Variants in AMN1 observed in about 807,000 individuals in gnomAD.
The protein encoded by AMN1 is protein AMN1 homolog.
Under a neutral mutation model 33.0 loss-of-function variants are expected in AMN1, and 20 were observed. The observed-to-expected ratio is 0.61, with a 90% confidence interval of 0.43 to 0.88. The LOEUF is 0.88. Ranked by LOEUF, AMN1 falls within the 40% of genes least tolerant of loss-of-function variation. The pLI is 0.00. For synonymous variants in AMN1, 114 were observed against 111.9 expected (o/e 1.02, Z -0.12); for missense variants, 246 against 307.4 (o/e 0.80, Z 1.49).
chr12:31,728,471 T>C (rs556252356), intron 1 of AMN1, among the ~76,000 whole-genome samples: 2 of 152,326 alleles, frequency 1.3e-5, no homozygotes, highest in East Asian at 1.9e-4. Context: ...TACCGGTCCA[T>C]GGTCACGTGG....
At chr12:31,673,206 C>G (rs1017187124) in intron 6 of AMN1, 1 of 151,204 alleles carries the variant, frequency 6.6e-6, no homozygotes, top group East Asian at 1.9e-4. Flanking sequence ...CTAACCTAGT[C>G]TTGGAAATCC....
At position 31,697,437 on chromosome 12, in the gene AMN1, AAC is replaced by A. The variant is rs1357516542; in HGVS notation, c.535-22_535-21del. 6.2e-7 allele frequency: 1 copy of A among 1,611,114 alleles called. No individual in the cohort carries two copies. The highest frequency in any genetic ancestry group is 1.3e-5 in the African/African-American group (1 of 74,864). On this transcript the variant is annotated intron_variant, in intron 4 of 6. Transcript: ENST00000281471. ...AGATACCTAAGCAAAGGGAAAAAGA[AAC>A]ACAGTCCATGAATCCAGACAACGGA...
At chr12:31,702,062 T>G in intron 2 of AMN1, 55 bp from the exon 3 acceptor site, 2 of 1,426,644 alleles carry the variant, frequency 1.4e-6, no homozygotes, top group Non-Finnish European at 1.9e-6. Context: ...ATACAAATAT[T>G]TATTCCATAT....
intron 6 of AMN1, among the ~76,000 whole-genome samples, chr12:31,682,925 C>T (rs1317442537): frequency 1.3e-5 from 2 of 150,516 alleles, no homozygotes; most frequent in Non-Finnish European, 3.0e-5. Context: ...GGCAGCCACA[C>T]AAAAATATAA....
intron 6 of AMN1, among the ~76,000 whole-genome samples, chr12:31,681,954 G>A (rs963069426): frequency 2.6e-5 from 4 of 152,130 alleles, no homozygotes; most frequent in Non-Finnish European, 5.9e-5. Context: ...TGGGATTACA[G>A]GCATGAGCCA....
intron 6 of AMN1, 77 bp downstream of exon 6, chr12:31,688,930 G>A (rs1387511951): frequency 2.3e-6 from 2 of 853,602 alleles, no homozygotes; most frequent in Admixed American, 5.0e-5. Context: ...ATAATGAAAT[G>A]GGTTAAGTAA....
At chr12:31,709,561 G>A in intron 1 of AMN1, 136 bp from the exon 2 acceptor site, 1 of 1,084,810 alleles carries the variant, frequency 9.2e-7, no homozygotes, top group Non-Finnish European at 1.3e-6. Context: ...GCTCACGCCT[G>A]TAATCCCAAC....
At chr12:31,703,516 G>A (rs1215010645) in intron 2 of AMN1, among the ~76,000 whole-genome samples, 6 of 152,132 alleles carry the variant, frequency 3.9e-5, no homozygotes, top group African/African-American at 1.2e-4. Context: ...TGCACCCAGC[G>A]ATTGGCTCCC....
At chr12:31,698,039 G>A in intron 3 of AMN1, 82 bp from the exon 4 acceptor site, 1 of 1,336,190 alleles carries the variant, frequency 7.5e-7, no homozygotes. Context: ...TTTCATTTTA[G>A]CAATCACCAG....
intron 1 of AMN1, among the ~76,000 whole-genome samples, chr12:31,722,057 CT>C (rs2076766256): frequency 6.6e-6 from 1 of 151,910 alleles, no homozygotes; most frequent in Non-Finnish European, 1.5e-5. Flanking sequence ...CCTGTTTTGT[CT>C]CAGTGAAATA....
At chr12:31,691,978 A>G (rs759031569) in intron 5 of AMN1, among the ~76,000 whole-genome samples, 1 of 152,040 alleles carries the variant, frequency 6.6e-6, no homozygotes, top group African/African-American at 2.4e-5. Context: ...CCAGGGCTCA[A>G]GTGATTTTTC....
chr12:31,724,460 TTCA>T lies in AMN1; in HGVS notation c.38+4508_38+4510del, dbSNP rs374480528. Among the ~76,000 whole-genome samples the T allele has an allele frequency of 3.9e-5, 6 of 152,240 alleles. No homozygotes were observed. The East Asian group carries it at 1.2e-3, about 29-fold the overall frequency. ...CAGACAGGGCAGGGTGGCATGAGATTTCATCATGCTACTCAAAATGGTGCATAA... is the reference window on the plus strand; with the variant it reads ...CAGACAGGGCAGGGTGGCATGAGATTTCATGCTACTCAAAATGGTGCATAA... On this transcript the variant is annotated intron_variant, in intron 1 of 6. Transcript: ENST00000281471.
intron 1 of AMN1, among the ~76,000 whole-genome samples, chr12:31,721,487 A>G (rs1462493714): frequency 1.3e-5 from 2 of 152,204 alleles, no homozygotes; most frequent in Non-Finnish European, 2.9e-5. Flanking sequence ...GCTATAATTC[A>G]TAACTTGGGC....
intron 5 of AMN1, among the ~76,000 whole-genome samples, chr12:31,691,331 C>T (rs1047134741): frequency 6.6e-6 from 1 of 151,434 alleles, no homozygotes; most frequent in Non-Finnish European, 1.5e-5. Flanking sequence ...AAAGCCAAAA[C>T]AATGACAAAG....
At chr12:31,712,578 T>C (rs975706962) in intron 1 of AMN1, among the ~76,000 whole-genome samples, 2 of 152,024 alleles carry the variant, frequency 1.3e-5, no homozygotes, top group Non-Finnish European at 2.9e-5. Flanking sequence ...TGAATAATAT[T>C]CCATCATATA....
Position 31,683,145 on chromosome 12 carries a change from TAGAG to T in AMN1, c.703+5858_703+5861del, listed in dbSNP as rs918564919. 1.3e-5 allele frequency among the ~76,000 whole-genome samples: 2 copies of T among 152,072 alleles called. No individual in the cohort carries two copies. Among genetic ancestry groups the T allele is most frequent in the African/African-American group, 4.8e-5 (2 of 41,406 alleles). ...GCCCAGCTAATTTTTGTATTTTTAG[TAGAG>T]AGGGGGTTTCACCATATTGGCCAGG... On this transcript the variant is annotated intron_variant, in intron 6 of 6. Coordinates refer to ENST00000281471, the MANE Select transcript of AMN1 (RefSeq NM_001113402.2). The surrounding 1 kb of genome is among the most constrained non-coding windows in gnomAD (Gnocchi z 4.1).
rs61593882 is a variant in AMN1 at position 31,675,128 on chromosome 12, C to T, written c.704-2751G>A. Among the ~76,000 whole-genome samples the T allele has an allele frequency of 8.7e-3, 1,299 of 149,420 alleles. 50 individuals carry two copies. Among genetic ancestry groups the T allele is most frequent in the African/African-American group, 0.031 (1,227 of 38,956 alleles). The stretch of plus-strand genomic sequence containing the variant: ...CTGATAAAGGGCGTCTATGAAAAAC[C>T]CATAGATGGCAGGATGCAGTGGCTC... On this transcript the variant is annotated intron_variant, in intron 6 of 6. Transcript: ENST00000281471.
intron 1 of AMN1, chr12:31,714,971 A>T: frequency 2.2e-6 from 2 of 910,790 alleles, no homozygotes; most frequent in Non-Finnish European, 2.6e-6. Context: ...TTAGGACAGA[A>T]TTGGGATTAA....
At chr12:31,726,924 G>A (rs1258501097) in intron 1 of AMN1, among the ~76,000 whole-genome samples, 1 of 152,040 alleles carries the variant, frequency 6.6e-6, no homozygotes, top group African/African-American at 2.4e-5. Context: ...TAAGCACTGT[G>A]TTTTAAAATT....
Sources: gnomAD v4.1 joint callset for allele counts (sites outside exome capture counted in the v4.1 genomes callset) on GRCh38, gnomAD v4.1.1 for gene constraint, Gnocchi (gnomAD v3.1) non-coding constraint, MANE v1.5 for transcripts, NCBI Gene and HGNC (gene_info 2026-07-23, HGNC 2026-07-21) for gene names.